Variants in COL4A5 observed in about 807,000 individuals in gnomAD.
The protein encoded by COL4A5 is collagen type IV alpha 5 chain.
Under a neutral mutation model 130.2 loss-of-function variants are expected in COL4A5, and 26 were observed. The ratio of observed to expected loss-of-function variants is 0.20; its 90% confidence interval spans 0.15 to 0.28. The LOEUF (loss-of-function observed/expected upper bound fraction) is 0.28. Ranked by LOEUF, COL4A5 falls within the 10% of genes least tolerant of loss-of-function variation. The probability of loss-of-function intolerance (pLI) is 1.00; values close to 1 mark genes in which losing one functional copy is unlikely to be tolerated. For synonymous variants in COL4A5, 496 were observed against 439.6 expected, an observed-to-expected ratio of 1.13 and a Z score of -1.60; for missense variants, 1,131 against 1,344.3, an observed-to-expected ratio of 0.84 and a Z score of 2.48.
chrX:108,674,277 T>G (rs1687514071), intron 42 of COL4A5, among the ~76,000 whole-genome samples: 1 of 111,328 alleles, frequency 9.0e-6, no homozygotes, highest in Admixed American at 9.6e-5. Flanking sequence ...AGTCTGAGCA[T>G]ATCAAGAAAT....
chrX:108,616,752 T>A (rs778366433), intron 30 of COL4A5, among the ~76,000 whole-genome samples: 1 of 111,149 alleles, frequency 9.0e-6, no homozygotes, highest in Admixed American at 9.6e-5. Flanking sequence ...CCTGATACCT[T>A]GTAATGTTTT....
intron 1 of COL4A5, among the ~76,000 whole-genome samples, chrX:108,453,474 A>T (rs957023763): frequency 8.9e-6 from 1 of 111,955 alleles, no homozygotes; most frequent in Non-Finnish European, 1.9e-5. Flanking sequence ...ATTTTCATAA[A>T]AATTCATAAT....
chrX:108,689,739 G>A, intron 49 of COL4A5: 1 of 753,806 alleles, frequency 1.3e-6, no homozygotes, highest in Non-Finnish European at 1.6e-6. Context: ...TTAGTGGAAG[G>A]ATTATAGGAT....
intron 1 of COL4A5, among the ~76,000 whole-genome samples, chrX:108,506,319 T>TC (rs1463352223): frequency 9.4e-6 from 1 of 106,801 alleles, no homozygotes; most frequent in Non-Finnish European, 1.9e-5. Context: ...TTGTTTTTTT[T>TC]CCCACTAGCC....
intron 1 of COL4A5, among the ~76,000 whole-genome samples, chrX:108,524,963 T>C (rs916502691): frequency 2.7e-5 from 3 of 112,131 alleles, no homozygotes; most frequent in African/African-American, 9.7e-5. Flanking sequence ...AGGTATATTC[T>C]ACTGTAATTG....
intron 36 of COL4A5, among the ~76,000 whole-genome samples, chrX:108,629,187 A>G (rs776393753): frequency 9.0e-6 from 1 of 111,584 alleles, no homozygotes; most frequent in African/African-American, 3.2e-5. Flanking sequence ...GAAACAAAGT[A>G]GGAGATGAGA....
chrX:108,458,846 G>A (rs1454606378), intron 1 of COL4A5, among the ~76,000 whole-genome samples: 1 of 111,129 alleles, frequency 9.0e-6, no homozygotes. Flanking sequence ...TGGGCGTGGT[G>A]GCGGGCGCCT....
At chrX:108,636,939 CTTTTTTT>C (rs59497827) in intron 36 of COL4A5, among the ~76,000 whole-genome samples, 5 of 76,392 alleles carry the variant, frequency 6.5e-5, no homozygotes, top group African/African-American at 1.9e-4. Context: ...AATGTAATGT[CTTTTTTT>C]TTTTTTTTTT....
intron 36 of COL4A5, among the ~76,000 whole-genome samples, chrX:108,630,810 C>A (rs1169372251): frequency 8.9e-6 from 1 of 112,222 alleles, no homozygotes; most frequent in Non-Finnish European, 1.9e-5. Context: ...AAGTCTTAAT[C>A]CATCTTGAAT....
rs1603298343 is a variant in COL4A5, at chrX:108,624,111, T to G, written c.2918-125T>G. 5.4e-6 allele frequency: 3 copies of G among 553,353 alleles called. No individual in the cohort carries two copies. The African/African-American group carries it at 6.8e-5, about 13-fold the overall frequency. The allele number at this position is 553,353 out of a possible 1,213,427, so 45.6% of individuals were successfully genotyped here. On this transcript the variant is annotated intron_variant, in intron 33 of 52. Transcript: ENST00000328300. Reference sequence around the variant, plus strand: ...AGTCCAGTGCTAATAGCTCATACTATATCAGAATATCACCAGTTCCTCTAA... The same window carrying G: ...AGTCCAGTGCTAATAGCTCATACTAGATCAGAATATCACCAGTTCCTCTAA...
At chrX:108,612,101 CT>C (rs984212362) in intron 29 of COL4A5, among the ~76,000 whole-genome samples, 1 of 111,121 alleles carries the variant, frequency 9.0e-6, no homozygotes, top group Non-Finnish European at 1.9e-5. Flanking sequence ...ATATTCATTC[CT>C]GGAAAAATAG....
At chrX:108,508,557 C>CAAAAAAAAAA (rs1182036182) in intron 1 of COL4A5, among the ~76,000 whole-genome samples, 74 of 38,144 alleles carry the variant, frequency 1.9e-3, no homozygotes, top group African/African-American at 2.2e-3. Context: ...CATGTAGGAC[C>CAAAAAAAAAA]AAAAAAAAAA....
chrX:108,591,621 T>C lies in COL4A5; in HGVS notation c.1400T>C (p.Leu467Pro). The change falls in exon 21 of 53, where the codon CTC becomes CCC. Residue 467 changes from leucine to proline, a missense_variant. Transcript: ENST00000328300. ...CCAGGATCTCCAGGTGATAAAGGAC[T>C]CCAAGGAGAACAAGGAGTGAAAGGT... is the stretch of plus-strand genomic sequence containing the variant. ...GPPGSPGDKG[L>P]QGEQGVKGDK... 1 of 1,205,383 alleles carries C rather than the reference T, an allele frequency of 8.3e-7. No individual in the cohort carries two copies. The highest frequency in any genetic ancestry group is 1.1e-6 in the Non-Finnish European group (1 of 889,765).
At chrX:108,658,601 A>C (rs1366355802) in intron 37 of COL4A5, among the ~76,000 whole-genome samples, 1 of 111,431 alleles carries the variant, frequency 9.0e-6, no homozygotes, top group African/African-American at 3.2e-5. Context: ...TTATATTACT[A>C]TTCAGATGAT....
At chrX:108,464,705 T>A (rs1372248349) in intron 1 of COL4A5, among the ~76,000 whole-genome samples, 1 of 112,320 alleles carries the variant, frequency 8.9e-6, no homozygotes, top group Non-Finnish European at 1.9e-5. Context: ...TTTGGATATT[T>A]CTGTAAATAC....
chrX:108,687,801 G>A, intron 49 of COL4A5, 107 bp downstream of exon 49: 1 of 676,762 alleles, frequency 1.5e-6, no homozygotes, highest in Admixed American at 2.4e-5. Context: ...CTATTCTTTT[G>A]GGGCTTCCGA....
chrX:108,568,810 A>C lies in COL4A5; in HGVS notation c.373A>C (p.Asn125His). The C allele has an allele frequency of 8.3e-7, 1 of 1,209,378 alleles. No homozygotes were observed. Among genetic ancestry groups the C allele is most frequent in the Non-Finnish European group, 1.1e-6 (1 of 893,223 alleles). Residue 125 changes from asparagine to histidine, a missense_variant, in exon 6 of 53, where the codon AAT (asparagine) becomes CAT (histidine). Physicochemically the swap from Asn to His is moderately conservative, Grantham distance 68 (BLOSUM62 1). Transcript: ENST00000328300. ...APGPQGIPGC[N>H]GTKGERGFPG... The stretch of plus-strand genomic sequence containing the variant: ...AGGACCTCAAGGTATTCCCGGATGC[A>C]ATGGAACCAAGGTGAGATCCATCCA...
intron 1 of COL4A5, among the ~76,000 whole-genome samples, chrX:108,529,514 A>T (rs1230448231): frequency 8.9e-6 from 1 of 111,842 alleles, no homozygotes; most frequent in Non-Finnish European, 1.9e-5. Flanking sequence ...ACAACCAGAA[A>T]ACCATTAACA....
At chrX:108,441,877 T>A (rs1300347399) in intron 1 of COL4A5, among the ~76,000 whole-genome samples, 2 of 111,903 alleles carry the variant, frequency 1.8e-5, no homozygotes, top group Non-Finnish European at 3.8e-5. Context: ...ACACATCAAT[T>A]AATATTAAAT....
Sources: allele counts gnomAD v4.1 joint callset (sites outside exome capture counted in the v4.1 genomes callset), GRCh38; gene constraint gnomAD v4.1.1; transcripts MANE v1.5; gene names NCBI Gene and HGNC (gene_info 2026-07-23, HGNC 2026-07-21).